The following RAPGEF6 variants were observed in gnomAD, a reference collection of about 807,000 sequenced individuals.
The protein encoded by RAPGEF6 is Rap guanine nucleotide exchange factor 6, also known as PDZ domain containing guanine nucleotide exchange factor (GEF) 2.
A neutral mutation model predicts 171.4 loss-of-function variants in RAPGEF6; 56 were observed. The ratio of observed to expected loss-of-function variants is 0.33; its 90% CI spans 0.26 to 0.41. The LOEUF (loss-of-function observed/expected upper bound fraction) is 0.41, where lower values mean the gene tolerates loss of function less well. Ranked by LOEUF, RAPGEF6 falls within the 10% of genes least tolerant of loss-of-function variation. The probability of loss-of-function intolerance (pLI) is 1.00; values close to 1 mark genes in which losing one functional copy is unlikely to be tolerated. For missense variants in RAPGEF6, 1,674 were observed against 1,921.4 expected (o/e 0.87, Z 2.41); for synonymous variants, 692 against 650.1 (o/e 1.06, Z -0.98).
chr5:131,436,097 C>T, intron 24 of RAPGEF6: 2 of 1,537,980 alleles, frequency 1.3e-6, no homozygotes, highest in Middle Eastern at 1.7e-4. Context: ...TCACAGCTTT[C>T]TGTAGCTTGA....
chr5:131,451,583 C>T (rs1289621567), intron 21 of RAPGEF6, among the ~76,000 whole-genome samples: 1 of 151,946 alleles, frequency 6.6e-6, no homozygotes, highest in Non-Finnish European at 1.5e-5. Context: ...GAGTGAGAGA[C>T]CCTGTCTCAA....
At chr5:131,436,409 C>T in intron 24 of RAPGEF6, 1 of 1,509,256 alleles carries the variant, frequency 6.6e-7, no homozygotes, top group Non-Finnish European at 8.9e-7. Context: ...AAAACCCTGA[C>T]ATGGTCAATC....
intron 15 of RAPGEF6, among the ~76,000 whole-genome samples, chr5:131,485,190 T>C (rs978900519): frequency 3.3e-5 from 5 of 152,022 alleles, no homozygotes; most frequent in African/African-American, 1.2e-4. Context: ...GCCTCCTAAA[T>C]TGCTAGGATT....
Position 131,504,713 on chromosome 5 carries a change from T to G in RAPGEF6, c.1167A>C (p.Lys389Asn). 1 of 1,613,996 alleles carries G rather than the reference T, an allele frequency of 6.2e-7. No homozygotes were observed. The highest frequency in any genetic ancestry group is 1.7e-5 in the Admixed American group (1 of 59,998). The change falls in exon 11 of 28, where the codon AAA (lysine) becomes AAC (asparagine). Residue 389 changes from lysine to asparagine, a missense_variant. Lys to Asn is a moderately conservative substitution (Grantham distance 94). Coordinates refer to ENST00000509018, the MANE Select transcript of RAPGEF6 (RefSeq NM_016340.6). ...ILNHVEKNTH[K>N]VEEEGEIVMV... ...TAACAATTTCTCCCTCTTCCTCAAC[T>G]TTATGGGTATTTTTTTCCACATGGT... is the stretch of plus-strand genomic sequence containing the variant.
intron 19 of RAPGEF6, among the ~76,000 whole-genome samples, chr5:131,456,539 A>C (rs1181728822): frequency 3.9e-5 from 6 of 152,190 alleles, no homozygotes; most frequent in African/African-American, 1.2e-4. Context: ...CCAGATATTC[A>C]ATGTCTCCCT....
Position 131,434,353 on chromosome 5 carries a change from T to C in RAPGEF6, c.3746-695A>G, listed in dbSNP as rs56282619. Among the ~76,000 whole-genome samples the C allele has an allele frequency of 2.0e-3, 299 of 152,316 alleles. 2 individuals carry two copies. Among genetic ancestry groups the C allele is most frequent in the African/African-American group, 3.1e-3 (128 of 41,574 alleles). On this transcript the variant is annotated intron_variant, in intron 24 of 27. Coordinates refer to ENST00000509018, the MANE Select transcript of RAPGEF6 (RefSeq NM_016340.6). ...GAACTCCTGGGCTCAAGTGGTCCTC[T>C]TGCCTCAGCCCCAAGTAGCTGGGAC...
At chr5:131,632,580 T>C (rs1240836350) in intron 1 of RAPGEF6, among the ~76,000 whole-genome samples, 3 of 152,206 alleles carry the variant, frequency 2.0e-5, no homozygotes, top group African/African-American at 7.2e-5. Flanking sequence ...GCTATCAGAA[T>C]GTAAGTCTTA....
intron 24 of RAPGEF6, among the ~76,000 whole-genome samples, chr5:131,438,883 C>A (rs1214292234): frequency 6.6e-6 from 1 of 152,026 alleles, no homozygotes; most frequent in Non-Finnish European, 1.5e-5. Context: ...ATTTGTTTTC[C>A]TAATTTTTGT....
In RAPGEF6 at chr5:131,492,707, C is replaced by A; in HGVS notation, c.1606G>T (p.Ala536Ser). ...AKWRQVVLQK[A>S]SRESPLQFSL... is the part of the protein sequence containing the mutation. ...AATTGTAGAGGGGACTCGCGGGAAG[C>A]CTTTTGCAGCACAACCTGTCTCCAC... The change falls in exon 14 of 28, where the codon GCT (alanine) becomes TCT (serine). Residue 536 changes from alanine (A) to serine (S), a missense_variant. Around this residue, in one of 3 missense-constraint regions of RAPGEF6, gnomAD observed 1,116 missense variants for 1,321.5 expected, o/e 0.84. Transcript: ENST00000509018. 6.2e-7 allele frequency: 1 copy of A among 1,614,092 alleles called. No homozygotes were observed. Among genetic ancestry groups the A allele is most frequent in the Non-Finnish European group, 8.5e-7 (1 of 1,179,962 alleles).
chr5:131,588,156 C>G (rs114815937), intron 4 of RAPGEF6, among the ~76,000 whole-genome samples: 6 of 152,008 alleles, frequency 3.9e-5, no homozygotes, highest in African/African-American at 1.2e-4. Flanking sequence ...TTTTTGCTTC[C>G]CCTCCCAACA....
chr5:131,561,749 C>T (rs1174970383), intron 5 of RAPGEF6, among the ~76,000 whole-genome samples: 19 of 151,056 alleles, frequency 1.3e-4, no homozygotes, highest in Non-Finnish European at 1.5e-5. Flanking sequence ...GTAAAAAATA[C>T]CAAATCTGCA....
intron 4 of RAPGEF6, among the ~76,000 whole-genome samples, chr5:131,568,739 C>A (rs1409985415): frequency 6.6e-6 from 1 of 151,960 alleles, no homozygotes; most frequent in Non-Finnish European, 1.5e-5. Flanking sequence ...CTCACCAGTA[C>A]AATAAGGCAA....
intron 7 of RAPGEF6, among the ~76,000 whole-genome samples, chr5:131,515,145 A>C (rs1191096338): frequency 6.6e-6 from 1 of 152,218 alleles, no homozygotes; most frequent in Non-Finnish European, 1.5e-5. Flanking sequence ...TGGAACTAAG[A>C]GTTATACAAA....
chr5:131,528,248 T>C (rs1473813346), intron 6 of RAPGEF6, among the ~76,000 whole-genome samples: 2 of 128,654 alleles, frequency 1.6e-5, no homozygotes, highest in Non-Finnish European at 3.2e-5. Flanking sequence ...ATCATATATA[T>C]AAATAAAATA....
chr5:131,606,788 G>C (rs1422871), intron 1 of RAPGEF6, among the ~76,000 whole-genome samples: 2 of 152,054 alleles, frequency 1.3e-5, no homozygotes, highest in African/African-American at 4.8e-5. Context: ...AATGTTGTGA[G>C]GAAGCTCCAG....
chr5:131,468,786 G>A (rs1754551091), intron 17 of RAPGEF6, among the ~76,000 whole-genome samples: 1 of 152,074 alleles, frequency 6.6e-6, no homozygotes, highest in African/African-American at 2.4e-5. Flanking sequence ...CATTGAGTAA[G>A]GAAGAGAATT....
At chr5:131,460,536 C>G (rs900004670) in intron 19 of RAPGEF6, among the ~76,000 whole-genome samples, 1 of 152,154 alleles carries the variant, frequency 6.6e-6, no homozygotes, top group Non-Finnish European at 1.5e-5. Flanking sequence ...TTCTAGCCTT[C>G]CAAGTGTTTA....
chr5:131,547,788 C>A (rs939170674), intron 6 of RAPGEF6, among the ~76,000 whole-genome samples: 4 of 152,054 alleles, frequency 2.6e-5, no homozygotes, highest in Non-Finnish European at 4.4e-5. Context: ...ATATTACAGG[C>A]ATGACCCACT....
At chr5:131,597,279 T>C (rs4706027) in intron 3 of RAPGEF6, among the ~76,000 whole-genome samples, 95,938 of 151,262 alleles carry the variant, frequency 0.63, 32,325 homozygotes, top group Non-Finnish European at 0.77. Context: ...GAACGTAAAT[T>C]AGTAGTTATT....
Sources: gnomAD v4.1 joint callset for allele counts (sites outside exome capture counted in the v4.1 genomes callset) on GRCh38, gnomAD v4.1.1 for gene constraint, gnomAD v4.1.1 regional missense constraint, MANE v1.5 for transcripts, NCBI Gene and HGNC (gene_info 2026-07-23, HGNC 2026-07-21) for gene names.